Variants in MUC5B observed in about 807,000 individuals in gnomAD.
MUC5B encodes mucin 5B, oligomeric mucus/gel-forming.
Under a neutral mutation model 376.9 loss-of-function variants are expected in MUC5B, and 116 were observed. The observed-to-expected ratio is 0.31, with a 90% CI of 0.26 to 0.36. The LOEUF (loss-of-function observed/expected upper bound fraction) is 0.36, where lower values mean the gene tolerates loss of function less well. MUC5B is among the 10% of genes least tolerant of loss of function. The pLI is 1.00. For missense variants in MUC5B, 7,165 were observed against 7,769.9 expected (o/e 0.92, Z 2.93); for synonymous variants, 3,517 against 3,390.9 (o/e 1.04, Z -1.29).
chr11:1,240,693 G>C (rs1390993547), intron 30 of MUC5B, among the ~76,000 whole-genome samples, 158 bp from the exon 31 acceptor site: 2 of 152,224 alleles, frequency 1.3e-5, no homozygotes. Flanking sequence ...CCCTCATGCA[G>C]AAACGGCTCT....
chr11:1,238,917 C>G lies in MUC5B; in HGVS notation c.3344C>G (p.Ala1115Gly). 1 of 1,570,952 alleles carries G rather than the reference C, an allele frequency of 6.4e-7. No homozygotes were observed. Among genetic ancestry groups the G allele is most frequent in the Non-Finnish European group, 8.6e-7 (1 of 1,158,110 alleles). Residue 1115 changes from alanine (A) to glycine (G), a missense_variant, in exon 26 of 49, where the codon GCC (alanine) becomes GGC (glycine). By Grantham distance (60) the Ala-to-Gly change is moderately conservative. Coordinates refer to ENST00000529681, the MANE Select transcript of MUC5B (RefSeq NM_002458.3). ...YYEACVNDAC[A>G]CDSGGDCECF... ...GAGGCCTGCGTGAACGACGCGTGTG[C>G]CTGCGACTCGGGTGGCGACTGCGAG... is the stretch of plus-strand genomic sequence containing the variant.
chr11:1,251,984 C>T (rs1354604617), intron 31 of MUC5B, among the ~76,000 whole-genome samples: 6 of 151,836 alleles, frequency 4.0e-5, no homozygotes, highest in African/African-American at 1.2e-4. Flanking sequence ...CCACTGGCCA[C>T]AATGCGTCCC....
chr11:1,241,095 G>C lies in MUC5B; in HGVS notation c.4215G>C (p.Leu1405=), dbSNP rs748015322. The change falls in exon 31 of 49, where the codon CTG becomes CTC. Residue 1405 remains leucine (L), a synonymous_variant. Coordinates refer to ENST00000529681, the MANE Select transcript of MUC5B (RefSeq NM_002458.3). ...TGGACTGTGACCGCATGCGGGGGCT[G>C]ATGTGCGCCAACAGCCAACAGAGTC... is the stretch of plus-strand genomic sequence containing the variant. ...QQVDCDRMRG[L]MCANSQQSPP... 2.5e-6 allele frequency: 4 copies of C among 1,612,246 alleles called. No homozygotes were observed. Among genetic ancestry groups the C allele is most frequent in the Non-Finnish European group, 3.4e-6 (4 of 1,179,394 alleles).
chr11:1,251,482 T>A lies in MUC5B; in HGVS notation c.14602T>A (p.Ser4868Thr). The A allele has an allele frequency of 3.1e-6, 5 of 1,612,914 alleles. No homozygotes were observed. The South Asian group carries it at 5.5e-5, about 18-fold the overall frequency. Residue 4868 changes from serine (S) to threonine (T), a missense_variant, in exon 31 of 49, where the codon TCC becomes ACC. Around this residue, in one of 31 missense-constraint regions of MUC5B, gnomAD observed 730 missense variants for 592.7 expected, o/e 1.23. Transcript: ENST00000529681. ...MVPTGSTATA[S>T]STLGTAHTPK... Reference sequence around the variant, plus strand: ...GCCCACCGGTTCCACGGCCACCGCCTCCTCCACTCTGGGAACAGCTCACAC... The same window carrying A: ...GCCCACCGGTTCCACGGCCACCGCCACCTCCACTCTGGGAACAGCTCACAC...
At chr11:1,239,348 C>G in intron 26 of MUC5B, 90 bp from the exon 27 acceptor site, 1 of 1,481,414 alleles carries the variant, frequency 6.8e-7, no homozygotes, top group Non-Finnish European at 9.1e-7. Flanking sequence ...TCTGGGGACA[C>G]CGGCCCCCAC....
chr11:1,259,645 G>A, intron 44 of MUC5B, 111 bp from the exon 45 acceptor site: 1 of 1,092,738 alleles, frequency 9.2e-7, no homozygotes, highest in Non-Finnish European at 1.4e-6. Flanking sequence ...GCCCAGGCAG[G>A]GACAGGGCTA....
At chr11:1,239,778 T>C in intron 27 of MUC5B, 21 bp from the exon 28 acceptor site, 1 of 1,600,780 alleles carries the variant, frequency 6.2e-7, no homozygotes, top group Non-Finnish European at 8.5e-7. Flanking sequence ...GTGAGTCTTC[T>C]GCTCACCCTG....
chr11:1,256,455 G>GCC, intron 38 of MUC5B: 1 of 381,584 alleles, frequency 2.6e-6, no homozygotes. Context: ...ACCTGGCCCC[G>GCC]CCACCGAGCC....
chr11:1,254,347 G>A lies in MUC5B; in HGVS notation c.15473G>A (p.Gly5158Asp). 6.2e-7 allele frequency: 1 copy of A among 1,600,962 alleles called. No homozygotes were observed. The highest frequency in any genetic ancestry group is 8.5e-7 in the Non-Finnish European group (1 of 1,179,388). Residue 5158 changes from glycine to aspartate, a missense_variant, in exon 34 of 49, where the codon GGC (glycine) becomes GAC (aspartate). Gly to Asp is a moderately conservative substitution (Grantham distance 94). This residue lies in a region of MUC5B where 842 missense variants were observed against 1,016.9 expected (regional missense o/e 0.83). Transcript: ENST00000529681. ...TVTMVHGKEE[G>D]LILFDQIPVS... is the part of the protein sequence containing the mutation. The stretch of plus-strand genomic sequence containing the variant: ...ACCATGGTGCATGGGAAGGAGGAGG[G>A]CCTGGTGAGTCCAGGCTGCGGGTGG...
chr11:1,225,675 CCA>C lies in MUC5B; in HGVS notation c.71-3_71-2del. On this transcript the variant is annotated splice_region_variant and splice_polypyrimidine_tract_variant and intron_variant, in intron 1 of 48. Transcript: ENST00000529681. Reference sequence around the variant, plus strand: ...CCTCACTGACTCCCATTCCCTCTTCCCACAGAGACCCAGGGCCCTGTGGAGCC... The same window carrying C: ...CCTCACTGACTCCCATTCCCTCTTCCCAGAGACCCAGGGCCCTGTGGAGCC... The C allele has an allele frequency of 6.3e-7, 1 of 1,597,144 alleles. No homozygotes were observed. Among genetic ancestry groups the C allele is most frequent in the African/African-American group, 1.3e-5 (1 of 74,754 alleles).
At position 1,242,382 on chromosome 11, in the gene MUC5B, C is replaced by G; in HGVS notation, c.5502C>G (p.Asn1834Lys). 5.6e-6 allele frequency: 9 copies of G among 1,613,892 alleles called. No individual in the cohort carries two copies. Among genetic ancestry groups the G allele is most frequent in the Non-Finnish European group, 7.6e-6 (9 of 1,179,856 alleles). Residue 1834 changes from asparagine (N) to lysine (K), a missense_variant, in exon 31 of 49, where the codon AAC becomes AAG. This residue lies in a region of MUC5B where 897 missense variants were observed against 779.6 expected (regional missense o/e 1.15). Coordinates refer to ENST00000529681, the MANE Select transcript of MUC5B (RefSeq NM_002458.3). ...APKSIECRAE[N>K]YPEVSIDQVG... ...AGAGCATAGAGTGCCGGGCGGAGAA[C>G]TACCCCGAGGTAAGCATCGACCAGG...
In MUC5B at chr11:1,229,244, C is replaced by G. The variant is rs780459524; in HGVS notation, c.1051C>G (p.Arg351Gly). ...CACGGACACCTGCTCCAACCCCCAG[C>G]GCGCGCAGCTCTGCGAGGACCACTG... ...PCTDTCSNPQ[R>G]AQLCEDHCVD... The change falls in exon 9 of 49, where the codon CGC becomes GGC. Residue 351 changes from arginine (R) to glycine (G), a missense_variant. This residue lies in a region of MUC5B where 640 missense variants were observed against 733.0 expected (regional missense o/e 0.87). Transcript: ENST00000529681. The G allele has an allele frequency of 4.4e-6, 7 of 1,594,570 alleles. No individual in the cohort carries two copies. Among genetic ancestry groups the G allele is most frequent in the African/African-American group, 2.7e-5 (2 of 74,464 alleles).
rs371325506 is a variant in MUC5B, at chr11:1,232,675, G to A, written c.1970G>A (p.Arg657Gln). The A allele has an allele frequency of 9.4e-6, 15 of 1,600,336 alleles. No individual in the cohort carries two copies. The highest frequency in any genetic ancestry group is 4.5e-5 in the South Asian group (4 of 88,982). The change falls in exon 17 of 49, where the codon CGG (arginine) becomes CAG (glutamine). Residue 657 changes from arginine (R) to glutamine (Q), a missense_variant. This residue lies in a region of MUC5B where 530 missense variants were observed against 604.0 expected (regional missense o/e 0.88). Transcript: ENST00000529681. ...NCMFDTCNCE[R>Q]SEDCLCAALS... Reference sequence around the variant, plus strand: ...ATGTTTGACACCTGCAACTGTGAGCGGAGCGAGGACTGCCTGTGCGCCGCG... The same window carrying A: ...ATGTTTGACACCTGCAACTGTGAGCAGAGCGAGGACTGCCTGTGCGCCGCG...
intron 5 of MUC5B, 57 bp from the exon 6 acceptor site, chr11:1,227,251 G>A: frequency 6.4e-7 from 1 of 1,574,100 alleles, no homozygotes; most frequent in Non-Finnish European, 8.7e-7. Context: ...CTTGGGGCAT[G>A]TTGCCAGTGT....
Position 1,243,054 on chromosome 11 carries a change from C to T in MUC5B, c.6174C>T (p.Gly2058=), listed in dbSNP as rs1310568459. The T allele has an allele frequency of 6.2e-7, 1 of 1,611,138 alleles. No individual in the cohort carries two copies. Among genetic ancestry groups the T allele is most frequent in the Admixed American group, 1.7e-5 (1 of 59,842 alleles). The change falls in exon 31 of 49, where the codon GGC becomes GGT. Residue 2058 remains glycine, a synonymous_variant. Coordinates refer to ENST00000529681, the MANE Select transcript of MUC5B (RefSeq NM_002458.3). ...AAGTGCCAACTACCACAACCACGGG[C>T]TTCACAGCCACCCCCTCCTCCAGCC... ...TTKVPTTTTT[G]FTATPSSSPG... is the part of the protein sequence containing the mutation.
chr11:1,260,770 G>GA, intron 48 of MUC5B, 42 bp downstream of exon 48: 1 of 1,464,730 alleles, frequency 6.8e-7, no homozygotes, highest in Non-Finnish European at 9.4e-7. Context: ...ACCTGCGTGT[G>GA]GTGGGTCCGC....
rs58748925 is a variant in MUC5B, at chr11:1,252,928, C to T, written c.15165C>T (p.Pro5055=). ...ANVTCVNKHL[P]IKVSDPSQPC... ...TCACCTGCGTGAACAAGCACCTGCC[C>T]ATCAAAGTGTCGGACCCGAGCCAGC... Residue 5055 remains proline (P), a synonymous_variant, in exon 33 of 49, where the codon CCC becomes CCT. Transcript: ENST00000529681. 22 of 1,612,694 alleles carry T rather than the reference C, an allele frequency of 1.4e-5. No individual in the cohort carries two copies. In the East Asian group the frequency reaches 4.9e-4, roughly 36 times the overall value.
In MUC5B at chr11:1,234,588, T is replaced by G; in HGVS notation, c.2538T>G (p.Ser846Arg). 2 of 1,574,970 alleles carry G rather than the reference T, an allele frequency of 1.3e-6. No homozygotes were observed. The highest frequency in any genetic ancestry group is 1.7e-4 in the Middle Eastern group (1 of 6,016). The change falls in exon 21 of 49, where the codon AGT becomes AGG. Residue 846 changes from serine to arginine, a missense_variant. Transcript: ENST00000529681. The surrounding 1 kb of genome is among the most constrained non-coding windows in gnomAD (Gnocchi z 6.3). ...VCPPGLVSDG[S>R]GGCIAEEDCP... is the part of the protein sequence containing the mutation. ...CCCCGGGGCTGGTGTCGGATGGGAGTGGGGGCTGCATTGCCGAGGAGGACT... is the reference window on the plus strand; with the variant it reads ...CCCCGGGGCTGGTGTCGGATGGGAGGGGGGGCTGCATTGCCGAGGAGGACT...
chr11:1,247,175 C>A lies in MUC5B; in HGVS notation c.10295C>A (p.Thr3432Lys). The change falls in exon 31 of 49, where the codon ACA becomes AAA. Residue 3432 changes from threonine (T) to lysine (K), a missense_variant. Physicochemically the swap from Thr to Lys is moderately conservative, Grantham distance 78 (BLOSUM62 -1). Around this residue, in one of 31 missense-constraint regions of MUC5B, gnomAD observed 939 missense variants for 770.6 expected, o/e 1.22. Transcript: ENST00000529681. Reference protein sequence around the residue: ...TATTPAATSSTVTPSSALGTT... With the variant: ...TATTPAATSSKVTPSSALGTT... ...ACCACACCTGCAGCCACCAGCAGCA[C>A]AGTGACTCCCTCCTCTGCCCTAGGG... The A allele has an allele frequency of 6.4e-7, 1 of 1,551,948 alleles. No homozygotes were observed. Among genetic ancestry groups the A allele is most frequent in the Non-Finnish European group, 8.8e-7 (1 of 1,135,618 alleles).
Sources: gnomAD v4.1 joint callset for allele counts (sites outside exome capture counted in the v4.1 genomes callset) on GRCh38, gnomAD v4.1.1 for gene constraint, gnomAD v4.1.1 regional missense constraint, Gnocchi (gnomAD v3.1) non-coding constraint, MANE v1.5 for transcripts, NCBI Gene and HGNC (gene_info 2026-07-23, HGNC 2026-07-21) for gene names.